Variants in SH2B3 observed in about 807,000 individuals in gnomAD.
SH2B3 encodes the protein SH2B adaptor protein 3, also known as SH2B adapter protein 3.
A neutral mutation model predicts 51.9 loss-of-function variants in SH2B3; 43 were observed. The observed-to-expected ratio is 0.83, with a 90% CI of 0.65 to 1.07. The LOEUF (loss-of-function observed/expected upper bound fraction) is 1.07. SH2B3 is among the 50% of genes least tolerant of loss of function. The pLI is 0.00. For synonymous variants in SH2B3, 396 were observed against 376.0 expected (o/e 1.05, Z -0.62); for missense variants, 952 against 834.3 (o/e 1.14, Z -1.74).
intron 1 of SH2B3, among the ~76,000 whole-genome samples, chr12:111,411,531 G>A (rs1374703789): frequency 2.0e-5 from 3 of 152,146 alleles, no homozygotes; most frequent in African/African-American, 7.2e-5. Flanking sequence ...TCTCAGCGGG[G>A]CATGGATTAA....
rs1404481354 is a variant in SH2B3, at chr12:111,410,548, T to C, written c.-28+4271T>C. On this transcript the variant is annotated intron_variant, in intron 1 of 7. Coordinates refer to ENST00000341259, the MANE Select transcript of SH2B3 (RefSeq NM_005475.3). This position sits in a 1 kb window ranked among gnomAD's most constrained non-coding sequence, Gnocchi z 4.9. Reference sequence around the variant, plus strand: ...CTTTCCCTACCTCCTGAAACCTAGCTGGGGCGGTGGCTGGGATGTCAGGCT... The same window carrying C: ...CTTTCCCTACCTCCTGAAACCTAGCCGGGGCGGTGGCTGGGATGTCAGGCT... Among the ~76,000 whole-genome samples, 1 of 152,160 alleles carries C rather than the reference T, an allele frequency of 6.6e-6. No homozygotes were observed. Among genetic ancestry groups the C allele is most frequent in the Admixed American group, 6.5e-5 (1 of 15,282 alleles).
At chr12:111,433,094 G>GT (rs1872609399) in intron 2 of SH2B3, among the ~76,000 whole-genome samples, 1 of 152,234 alleles carries the variant, frequency 6.6e-6, no homozygotes, top group Non-Finnish European at 1.5e-5. Flanking sequence ...GCTAACGCCA[G>GT]TAATCCCAGC....
intron 2 of SH2B3, among the ~76,000 whole-genome samples, chr12:111,445,418 G>T (rs911224729): frequency 1.3e-5 from 2 of 152,248 alleles, no homozygotes; most frequent in East Asian, 3.8e-4. Context: ...GCTGTGTCCA[G>T]TGCCCGTGTG....
At position 111,435,930 on chromosome 12, in the gene SH2B3, C is replaced by G. The variant is rs1193608480; in HGVS notation, c.733-10823C>G. On this transcript the variant is annotated intron_variant, in intron 2 of 7. Transcript: ENST00000341259. This position sits in a 1 kb window ranked among gnomAD's most constrained non-coding sequence, Gnocchi z 4.8. ...TGGGCTGACGGCAGCTGGCATGCAG[C>G]AGGGGAGGTGTGCTGGGACCAGGCC... 6.6e-6 allele frequency among the ~76,000 whole-genome samples: 1 copy of G among 152,160 alleles called. No individual in the cohort carries two copies. Among genetic ancestry groups the G allele is most frequent in the Non-Finnish European group, 1.5e-5 (1 of 68,020 alleles).
rs2135546673 is a variant in SH2B3 at position 111,418,175 on chromosome 12, G to A, written c.30G>A (p.Ser10=). Residue 10 remains serine (S), a synonymous_variant, in exon 2 of 8, where the codon TCG becomes TCA. Coordinates refer to ENST00000341259, the MANE Select transcript of SH2B3 (RefSeq NM_005475.3). This position sits in a 1 kb window ranked among gnomAD's most constrained non-coding sequence, Gnocchi z 6.7. ...ACGGGCCTGCCCTGCAGCCCTCCTC[G>A]CCCTCTTCCGCGCCCTCAGCCTCCC... MNGPALQPS[S]PSSAPSASPA... 2 of 1,552,998 alleles carry A rather than the reference G, an allele frequency of 1.3e-6. No individual in the cohort carries two copies. Among genetic ancestry groups the A allele is most frequent in the South Asian group, 1.2e-5 (1 of 83,096 alleles).
upstream of SH2B3, among the ~76,000 whole-genome samples, chr12:111,405,753 G>T (rs1189883566): frequency 3.3e-5 from 5 of 152,184 alleles, no homozygotes; most frequent in Non-Finnish European, 7.4e-5. The surrounding 1 kb of genome is among the most constrained non-coding windows in gnomAD (Gnocchi z 5.4). Context: ...GGACTAGCGG[G>T]ATTGGTAGGC....
In SH2B3 at chr12:111,446,832, A is replaced by C. The variant is rs1258425665; in HGVS notation, c.812A>C (p.Asn271Thr). ...RWCTRLEMPD[N>T]LYTFVLKVKD... The stretch of plus-strand genomic sequence containing the variant: ...TGCACACGGCTTGAGATGCCTGACA[A>C]CCTTTACACCTTTGTGCTGAAGGTG... Residue 271 changes from asparagine (N) to threonine (T), a missense_variant, in exon 3 of 8, where the codon AAC becomes ACC. Asn to Thr is a moderately conservative substitution (Grantham distance 65). Transcript: ENST00000341259. 3 of 1,591,494 alleles carry C rather than the reference A, an allele frequency of 1.9e-6. No individual in the cohort carries two copies. The highest frequency in any genetic ancestry group is 2.6e-6 in the Non-Finnish European group (3 of 1,165,700).
intron 2 of SH2B3, among the ~76,000 whole-genome samples, chr12:111,426,163 G>A (rs1054217891): frequency 6.6e-5 from 10 of 152,110 alleles, no homozygotes; most frequent in East Asian, 3.9e-4. Flanking sequence ...CCTCTGCATG[G>A]TGTTCCTTCC....
In SH2B3 at chr12:111,448,250, C is replaced by CA; in HGVS notation, c.1677dup (p.Ser560IlefsTer92). 3.1e-6 allele frequency: 5 copies of CA among 1,614,142 alleles called. No homozygotes were observed. The highest frequency in any genetic ancestry group is 4.2e-6 in the Non-Finnish European group (5 of 1,180,004). ...CGGGACTCGGACTACGAAATGGACT[C>CA]ATCCTCCCGGAGCCACCTGCGGGCC... On this transcript the variant is annotated frameshift_variant, in exon 8 of 8. Coordinates refer to ENST00000341259, the MANE Select transcript of SH2B3 (RefSeq NM_005475.3). LOFTEE classifies it high-confidence loss of function.
At chr12:111,420,450 T>A (rs1429198578) in intron 2 of SH2B3, among the ~76,000 whole-genome samples, 1 of 151,596 alleles carries the variant, frequency 6.6e-6, no homozygotes, top group African/African-American at 2.4e-5. Context: ...GAAAGGTCAC[T>A]GTGTTCTACT....
chr12:111,433,558 T>G lies in SH2B3; in HGVS notation c.733-13195T>G, dbSNP rs371582648. 2.8e-4 allele frequency among the ~76,000 whole-genome samples: 43 copies of G among 152,236 alleles called. No homozygotes were observed. The Middle Eastern group carries it at 0.027, about 96-fold the overall frequency. Reference sequence around the variant, plus strand: ...AAGTAGTTTCTCAGTGTGGTGTTTTTTTTGTTTGTTTGTTTTAAACGGGGT... The same window carrying G: ...AAGTAGTTTCTCAGTGTGGTGTTTTGTTTGTTTGTTTGTTTTAAACGGGGT... On this transcript the variant is annotated intron_variant, in intron 2 of 7. Transcript: ENST00000341259.
At chr12:111,427,887 C>T (rs12305671) in intron 2 of SH2B3, among the ~76,000 whole-genome samples, 5,328 of 152,330 alleles carry the variant, frequency 0.035, 332 homozygotes, top group African/African-American at 0.12. Flanking sequence ...AGGGTAGCTG[C>T]GCCATTAGGC....
In SH2B3 at chr12:111,448,699, C is replaced by T; in HGVS notation, c.*397C>T. 1 of 209,332 alleles carries T rather than the reference C, an allele frequency of 4.8e-6. No homozygotes were observed. The highest frequency in any genetic ancestry group is 1.9e-3 in the Middle Eastern group (1 of 520). 13.0% of individuals were successfully genotyped at this position (209,332 alleles called of 1,614,324 possible). A position where few individuals can be genotyped will look rare whatever the true frequency, so the allele number is the denominator to read the frequency against. ...CTTTCTACGGGGAGGAGGGGGGGAT[C>T]ATCAGGAAGCCCAGAACACTAACAA... On this transcript the variant is annotated 3_prime_UTR_variant, in exon 8 of 8. Transcript: ENST00000341259.
intron 2 of SH2B3, among the ~76,000 whole-genome samples, chr12:111,432,145 A>T: frequency 6.9e-6 from 1 of 144,710 alleles, no homozygotes. Context: ...TCCACCTCCT[A>T]GGTTCAAGCG....
At position 111,447,706 on chromosome 12, in the gene SH2B3, C is replaced by A; in HGVS notation, c.1287C>A (p.Leu429=). 6.2e-7 allele frequency: 1 copy of A among 1,613,968 alleles called. No individual in the cohort carries two copies. Among genetic ancestry groups the A allele is most frequent in the Non-Finnish European group, 8.5e-7 (1 of 1,179,990 alleles). The stretch of plus-strand genomic sequence containing the variant: ...GGGGCCAGTGCCGTGTGCAGCACCT[C>A]CACTTTCCCTCGGTCGTGGACATGC... ...TERGQCRVQH[L]HFPSVVDMLH... is the part of the protein sequence containing the mutation. The change falls in exon 7 of 8, where the codon CTC becomes CTA. Residue 429 remains leucine (L), a synonymous_variant. Coordinates refer to ENST00000341259, the MANE Select transcript of SH2B3 (RefSeq NM_005475.3).
At chr12:111,425,706 G>A (rs1319415609) in intron 2 of SH2B3, among the ~76,000 whole-genome samples, 1 of 152,134 alleles carries the variant, frequency 6.6e-6, no homozygotes, top group African/African-American at 2.4e-5. Flanking sequence ...CCTGCGGGTG[G>A]GAGTGGGTGC....
rs531150796 is a variant in SH2B3, at chr12:111,409,783, C to G, written c.-28+3506C>G. On this transcript the variant is annotated intron_variant, in intron 1 of 7. Transcript: ENST00000341259. This position sits in a 1 kb window ranked among gnomAD's most constrained non-coding sequence, Gnocchi z 4.0. ...CAATGGGGCCCTGCTGCCGGGGTGACAAGCATCCCTCTACCAGGGCTCCAG... is the reference window on the plus strand; with the variant it reads ...CAATGGGGCCCTGCTGCCGGGGTGAGAAGCATCCCTCTACCAGGGCTCCAG... 3.3e-5 allele frequency among the ~76,000 whole-genome samples: 5 copies of G among 152,318 alleles called. No homozygotes were observed. Among genetic ancestry groups the G allele is most frequent in the African/African-American group, 4.8e-5 (2 of 41,566 alleles).
chr12:111,439,078 T>C (rs1873160024), intron 2 of SH2B3, among the ~76,000 whole-genome samples: 1 of 152,206 alleles, frequency 6.6e-6, no homozygotes, highest in Non-Finnish European at 1.5e-5. Context: ...GTTCAAGTGA[T>C]TCTCCTGCGT....
At chr12:111,415,116 A>C (rs1593032683) in intron 1 of SH2B3, among the ~76,000 whole-genome samples, 1 of 152,158 alleles carries the variant, frequency 6.6e-6, no homozygotes. Flanking sequence ...CAGCAAATGT[A>C]CCCAGGCCCC....
Sources: allele counts gnomAD v4.1 joint callset (sites outside exome capture counted in the v4.1 genomes callset), GRCh38; gene constraint gnomAD v4.1.1; non-coding constraint Gnocchi (gnomAD v3.1); transcripts MANE v1.5; gene names NCBI Gene and HGNC (gene_info 2026-07-23, HGNC 2026-07-21).